DCUN1D4: variants seen among roughly 807,000 people sequenced by gnomAD.
DCUN1D4 encodes the protein defective in cullin neddylation 1 domain containing 4, also known as DCN1-like protein 4.
Under a neutral mutation model 47.9 loss-of-function variants are expected in DCUN1D4, and 22 were observed. The ratio of observed to expected loss-of-function variants is 0.46; its 90% CI spans 0.33 to 0.66. The LOEUF is 0.66. Among genes scored for constraint, DCUN1D4 ranks in the 30% least tolerant of loss-of-function variants. The pLI is 0.02. For synonymous variants in DCUN1D4, 121 were observed against 112.2 expected, an observed-to-expected ratio of 1.08 and a Z score of -0.50; for missense variants, 301 against 340.8, an observed-to-expected ratio of 0.88 and a Z score of 0.92.
At chr4:51,871,602 T>G (rs1410915600) in intron 3 of DCUN1D4, among the ~76,000 whole-genome samples, 1 of 152,210 alleles carries the variant, frequency 6.6e-6, no homozygotes, top group Non-Finnish European at 1.5e-5. Context: ...AAACCGTGAC[T>G]GCTATTGGAA....
At chr4:51,879,653 G>C (rs1728223648) in intron 5 of DCUN1D4, among the ~76,000 whole-genome samples, 1 of 152,220 alleles carries the variant, frequency 6.6e-6, no homozygotes, top group South Asian at 2.1e-4. Context: ...CTGTAAATAG[G>C]TTCTGAATGA....
intron 1 of DCUN1D4, among the ~76,000 whole-genome samples, chr4:51,851,845 G>T (rs186343394): frequency 6.6e-6 from 1 of 152,132 alleles, no homozygotes; most frequent in South Asian, 2.1e-4. Flanking sequence ...GTGTAGAAAG[G>T]TTAACTCCCC....
chr4:51,834,906 G>A, the DCUN1D4 span, among the ~76,000 whole-genome samples: 1 of 152,196 alleles, frequency 6.6e-6, no homozygotes, highest in East Asian at 1.9e-4. Flanking sequence ...ATGCCAACTT[G>A]TGGTCCTGTT....
chr4:51,902,789 T>C (rs1560514622), intron 8 of DCUN1D4, among the ~76,000 whole-genome samples: 2 of 152,198 alleles, frequency 1.3e-5, no homozygotes, highest in Non-Finnish European at 2.9e-5. Flanking sequence ...GTATCCCACC[T>C]ATTTTTTGTT....
At chr4:51,843,708 GC>G in intron 1 of DCUN1D4, 1 of 1,230,420 alleles carries the variant, frequency 8.1e-7, no homozygotes, top group Non-Finnish European at 1.0e-6. Flanking sequence ...TTTCCAAAGG[GC>G]TGAGTGGTGC....
At chr4:51,878,809 A>G (rs982565833) in intron 5 of DCUN1D4, among the ~76,000 whole-genome samples, 1 of 152,210 alleles carries the variant, frequency 6.6e-6, no homozygotes, top group African/African-American at 2.4e-5. Flanking sequence ...GATAGTGTTT[A>G]TAACTTGTTG....
upstream of DCUN1D4, among the ~76,000 whole-genome samples, chr4:51,842,268 C>T (rs949025939): frequency 2.6e-5 from 4 of 152,250 alleles, no homozygotes; most frequent in South Asian, 4.2e-4. Context: ...CCCCTGGACT[C>T]GTCCATGTGT....
chr4:51,900,450 C>T (rs1248877420), intron 8 of DCUN1D4, among the ~76,000 whole-genome samples: 1 of 152,064 alleles, frequency 6.6e-6, no homozygotes, highest in Non-Finnish European at 1.5e-5. Context: ...AGTTACCTGC[C>T]AGGCCAGATG....
the DCUN1D4 span, among the ~76,000 whole-genome samples, chr4:51,833,941 T>C: frequency 2.0e-5 from 3 of 151,948 alleles, no homozygotes; most frequent in African/African-American, 7.2e-5. Flanking sequence ...GATGAGGATT[T>C]GTATACCAAG....
chr4:51,902,470 T>C (rs1388555472), intron 8 of DCUN1D4, among the ~76,000 whole-genome samples: 1 of 152,242 alleles, frequency 6.6e-6, no homozygotes, highest in Non-Finnish European at 1.5e-5. Flanking sequence ...CTTGATGAAT[T>C]AAGACGCTTT....
At chr4:51,897,787 C>G (rs1476552932) in intron 7 of DCUN1D4, among the ~76,000 whole-genome samples, 1 of 152,152 alleles carries the variant, frequency 6.6e-6, no homozygotes, top group Non-Finnish European at 1.5e-5. Flanking sequence ...AAATTGGAGC[C>G]AGCTTTAGGG....
chr4:51,856,072 C>T (rs1318900319), intron 1 of DCUN1D4, among the ~76,000 whole-genome samples: 3 of 152,206 alleles, frequency 2.0e-5, no homozygotes, highest in Admixed American at 6.5e-5. Flanking sequence ...ATACCTCAGT[C>T]GTGTTCTTGT....
chr4:51,852,982 T>A (rs1057422516), intron 1 of DCUN1D4, among the ~76,000 whole-genome samples: 1 of 152,224 alleles, frequency 6.6e-6, no homozygotes, highest in Non-Finnish European at 1.5e-5. Context: ...TGATTCTGTG[T>A]GCTTCAGTGG....
chr4:51,872,831 A>G lies in DCUN1D4; in HGVS notation c.137-1440A>G, dbSNP rs191111731. ...TAAAATATGATACATGCTGGTGAAT[A>G]GTGTCCTGAGAGTTCAGTGAATGCT... On this transcript the variant is annotated intron_variant, in intron 3 of 10. Coordinates refer to ENST00000334635, the MANE Select transcript of DCUN1D4 (RefSeq NM_001040402.3). Among the ~76,000 whole-genome samples the G allele has an allele frequency of 7.9e-5, 12 of 152,322 alleles. No homozygotes were observed. The East Asian group carries it at 2.3e-3, about 29-fold the overall frequency.
intron 5 of DCUN1D4, among the ~76,000 whole-genome samples, chr4:51,885,377 AAGG>A (rs1042368725): frequency 1.2e-4 from 18 of 152,316 alleles, no homozygotes; most frequent in African/African-American, 4.1e-4. Context: ...GTGTGAGAGA[AAGG>A]AGGAATACAG....
At chr4:51,856,058 C>T (rs1237807899) in intron 1 of DCUN1D4, among the ~76,000 whole-genome samples, 6 of 152,222 alleles carry the variant, frequency 3.9e-5, no homozygotes, top group African/African-American at 9.6e-5. Context: ...AGAGGCAGAT[C>T]CCTATACCTC....
intron 7 of DCUN1D4, among the ~76,000 whole-genome samples, chr4:51,896,427 C>G (rs1334421587): frequency 6.6e-6 from 1 of 152,168 alleles, no homozygotes; most frequent in Non-Finnish European, 1.5e-5. Context: ...TCTTCTTCTT[C>G]GTAGACAGGA....
At chr4:51,854,947 A>T (rs1207457047) in intron 1 of DCUN1D4, among the ~76,000 whole-genome samples, 1 of 152,192 alleles carries the variant, frequency 6.6e-6, no homozygotes, top group Non-Finnish European at 1.5e-5. Flanking sequence ...GCTGGTGAGT[A>T]TAATACAAAC....
In DCUN1D4 at chr4:51,891,745, A is replaced by AT. The variant is rs530164635; in HGVS notation, c.415-6dup. 557 of 1,539,438 alleles carry AT rather than the reference A, an allele frequency of 3.6e-4. No individual in the cohort carries two copies. The highest frequency in any genetic ancestry group is 1.6e-3 in the South Asian group (132 of 83,816). On this transcript the variant is annotated splice_polypyrimidine_tract_variant and intron_variant, in intron 6 of 10. Transcript: ENST00000334635. ...GTAATATATTTTTTTTTAATTGTGTATTTTTTTTTAACAGGTAGTTATGCT... is the reference window on the plus strand; with the variant it reads ...GTAATATATTTTTTTTTAATTGTGTATTTTTTTTTTAACAGGTAGTTATGCT...
Sources: gnomAD v4.1 joint callset for allele counts (sites outside exome capture counted in the v4.1 genomes callset) on GRCh38, gnomAD v4.1.1 for gene constraint, MANE v1.5 for transcripts, NCBI Gene and HGNC (gene_info 2026-07-23, HGNC 2026-07-21) for gene names.